Variants in ASPRV1 observed in about 807,000 individuals in gnomAD.
ASPRV1 encodes the protein retroviral-like aspartic protease 1.
ASPRV1 carries 7 observed loss-of-function variants against 11.0 expected under a neutral mutation model. That is an observed-to-expected ratio of 0.64 (90% confidence interval 0.36 to 1.20). ASPRV1 has a LOEUF of 1.20. Ranked by LOEUF, ASPRV1 falls within the 50% of genes most tolerant of loss-of-function variation. The pLI is 0.02. For missense variants in ASPRV1, 299 were observed against 320.0 expected (o/e 0.93, Z 0.50); for synonymous variants, 136 against 138.4 (o/e 0.98, Z 0.12).
chr2:70,007,594 T>C, the ASPRV1 span, among the ~76,000 whole-genome samples: 3 of 151,630 alleles, frequency 2.0e-5, no homozygotes, highest in East Asian at 5.8e-4. Flanking sequence ...AATATATATA[T>C]AATAGAAAAA....
chr2:70,022,891 G>C, the ASPRV1 span, among the ~76,000 whole-genome samples: 1 of 151,962 alleles, frequency 6.6e-6, no homozygotes, highest in African/African-American at 2.4e-5. Context: ...AAGGAAAAAG[G>C]GTATAAAAGG....
the ASPRV1 span, chr2:69,975,971 AAAG>A: frequency 6.5e-6 from 1 of 152,784 alleles, no homozygotes; most frequent in African/African-American, 2.4e-5. Context: ...AAACAGACCA[AAAG>A]AAGAACCAGC....
At chr2:69,955,245 G>A (rs1677912169), downstream of ASPRV1, among the ~76,000 whole-genome samples, 1 of 152,132 alleles carries the variant, frequency 6.6e-6, no homozygotes, top group African/African-American at 2.4e-5. Context: ...CGTGGAGGCT[G>A]GCCCTTCCCT....
upstream of ASPRV1, chr2:69,961,680 G>C: frequency 6.5e-7 from 1 of 1,541,844 alleles, no homozygotes; most frequent in Non-Finnish European, 8.7e-7. Context: ...TGGCCCCTGG[G>C]CTCCCCATTC....
the ASPRV1 span, chr2:69,942,583 A>T: frequency 6.6e-6 from 1 of 152,240 alleles, no homozygotes; most frequent in African/African-American, 2.4e-5. Flanking sequence ...AAGTTGAGGG[A>T]GCATTCTTCA....
the ASPRV1 span, among the ~76,000 whole-genome samples, chr2:70,060,831 G>A: frequency 6.6e-6 from 1 of 152,070 alleles, no homozygotes; most frequent in Admixed American, 6.6e-5. Context: ...TTAAAAAGTT[G>A]TGCAGACACA....
At chr2:70,044,465 T>C in the ASPRV1 span, among the ~76,000 whole-genome samples, 1 of 152,260 alleles carries the variant, frequency 6.6e-6, no homozygotes, top group Middle Eastern at 3.4e-3. Flanking sequence ...TAATGTTTTG[T>C]TTTGTTTTTC....
At chr2:70,023,940 T>C in the ASPRV1 span, among the ~76,000 whole-genome samples, 1 of 151,804 alleles carries the variant, frequency 6.6e-6, no homozygotes, top group Non-Finnish European at 1.5e-5. Flanking sequence ...GACAGACCAC[T>C]AGTAAAACAG....
At chr2:70,005,893 CCT>C in the ASPRV1 span, among the ~76,000 whole-genome samples, 10 of 152,222 alleles carry the variant, frequency 6.6e-5, no homozygotes, top group African/African-American at 1.7e-4. Context: ...CCCCTCAGCC[CCT>C]GTTTACATAG....
At chr2:69,938,163 G>A in the ASPRV1 span, 5 of 1,614,248 alleles carry the variant, frequency 3.1e-6, no homozygotes, top group South Asian at 4.4e-5. Flanking sequence ...AGCAGCAGCA[G>A]TGTGAGCGAC....
chr2:70,041,898 T>C, the ASPRV1 span, among the ~76,000 whole-genome samples: 3 of 152,222 alleles, frequency 2.0e-5, no homozygotes, highest in Non-Finnish European at 2.9e-5. Context: ...CACTGCGGAT[T>C]AGAGCTATCC....
the ASPRV1 span, chr2:69,971,193 T>C: frequency 6.6e-6 from 1 of 152,196 alleles, no homozygotes; most frequent in East Asian, 1.9e-4. Flanking sequence ...TTTTTTTTAC[T>C]GTACTCATAG....
the ASPRV1 span, among the ~76,000 whole-genome samples, chr2:69,987,935 T>C: frequency 6.6e-6 from 1 of 152,140 alleles, no homozygotes; most frequent in Non-Finnish European, 1.5e-5. Flanking sequence ...CAAATACTTA[T>C]CAAGCACCTA....
the ASPRV1 span, chr2:69,976,112 C>T: frequency 0.058 from 8,798 of 152,486 alleles, 414 homozygotes; most frequent in East Asian, 0.22. Context: ...AGACATGTGA[C>T]CCAACCGCAC....
chr2:70,010,545 G>A, the ASPRV1 span, among the ~76,000 whole-genome samples: 1 of 152,298 alleles, frequency 6.6e-6, no homozygotes, highest in East Asian at 1.9e-4. Flanking sequence ...GGCCACAAAG[G>A]TTGTGTTTCA....
At chr2:69,934,380 A>C in the ASPRV1 span, among the ~76,000 whole-genome samples, 9 of 152,168 alleles carry the variant, frequency 5.9e-5, no homozygotes, top group African/African-American at 2.2e-4. Context: ...ATTTCAAGGA[A>C]ATGTAAATTT....
the ASPRV1 span, among the ~76,000 whole-genome samples, chr2:70,029,220 G>C: frequency 6.6e-6 from 1 of 152,108 alleles, no homozygotes; most frequent in Non-Finnish European, 1.5e-5. Flanking sequence ...TATTTATTTG[G>C]AATAACTTTG....
the ASPRV1 span, among the ~76,000 whole-genome samples, chr2:70,010,268 G>C: frequency 6.6e-6 from 1 of 152,116 alleles, no homozygotes; most frequent in East Asian, 1.9e-4. Context: ...AAGGGCACAA[G>C]AGTCCAGGTG....
chr2:70,078,878 G>A, the ASPRV1 span, among the ~76,000 whole-genome samples: 1 of 152,228 alleles, frequency 6.6e-6, no homozygotes, highest in Non-Finnish European at 1.5e-5. Flanking sequence ...AGGGGGCAAA[G>A]AGCAAAAGGA....
Sources: gnomAD v4.1 joint callset for allele counts (sites outside exome capture counted in the v4.1 genomes callset) on GRCh38, gnomAD v4.1.1 for gene constraint, MANE v1.5 for transcripts, NCBI Gene and HGNC (gene_info 2026-07-23, HGNC 2026-07-21) for gene names.